The following ADGRL2 variants were observed in gnomAD, a reference collection of about 807,000 sequenced individuals.
ADGRL2 encodes the protein adhesion G protein-coupled receptor L2, also known as calcium-independent alpha-latrotoxin receptor 2.
Under a neutral mutation model 157.4 loss-of-function variants are expected in ADGRL2, and 44 were observed. The ratio of observed to expected loss-of-function variants is 0.28; its 90% CI spans 0.22 to 0.36. The LOEUF (loss-of-function observed/expected upper bound fraction) is 0.36, where lower values mean the gene tolerates loss of function less well. Among genes scored for constraint, ADGRL2 ranks in the 10% least tolerant of loss-of-function variants. The pLI is 1.00. For missense variants in ADGRL2, 1,510 were observed against 1,768.9 expected (o/e 0.85, Z 2.63); for synonymous variants, 585 against 624.7 (o/e 0.94, Z 0.95).
At chr1:81,629,529 A>G (rs2081970711) in intron 3 of ADGRL2, among the ~76,000 whole-genome samples, 1 of 152,174 alleles carries the variant, frequency 6.6e-6, no homozygotes, top group African/African-American at 2.4e-5. Flanking sequence ...ATGTATCAGC[A>G]TGCATAACAC....
chr1:81,689,709 C>G (rs1314771576), intron 3 of ADGRL2, among the ~76,000 whole-genome samples: 1 of 152,176 alleles, frequency 6.6e-6, no homozygotes, highest in Admixed American at 6.5e-5. Flanking sequence ...AGCGATGGAA[C>G]TTTAGAATTG....
At chr1:81,896,161 G>A (rs1055073204) in intron 2 of ADGRL2, among the ~76,000 whole-genome samples, 4 of 152,120 alleles carry the variant, frequency 2.6e-5, no homozygotes, top group African/African-American at 9.7e-5. Flanking sequence ...TACTTATTCT[G>A]TAATTGTTTG....
At chr1:81,697,863 C>G (rs2083476920), upstream of ADGRL2, among the ~76,000 whole-genome samples, 1 of 152,124 alleles carries the variant, frequency 6.6e-6, no homozygotes, top group African/African-American at 2.4e-5. Context: ...CCTGCCTCCA[C>G]AGAATTCTAA....
intron 3 of ADGRL2, among the ~76,000 whole-genome samples, chr1:81,687,914 C>T (rs2083261522): frequency 6.6e-6 from 1 of 152,078 alleles, no homozygotes; most frequent in Non-Finnish European, 1.5e-5. Context: ...AACTATATTT[C>T]CTTCTTATAT....
chr1:81,637,090 C>A (rs1039943759), intron 3 of ADGRL2, among the ~76,000 whole-genome samples: 1 of 152,096 alleles, frequency 6.6e-6, no homozygotes, highest in Non-Finnish European at 1.5e-5. Flanking sequence ...GTGATCCACC[C>A]GCCTCAGCCT....
At chr1:81,506,268 A>G (rs2078973966) in intron 2 of ADGRL2, 1 of 152,302 alleles carries the variant, frequency 6.6e-6, no homozygotes, top group Non-Finnish European at 1.5e-5. Flanking sequence ...TTCATTTAAA[A>G]TTCCATGAGG....
chr1:81,389,494 A>G (rs1295566666), intron 1 of ADGRL2, among the ~76,000 whole-genome samples: 2 of 152,220 alleles, frequency 1.3e-5, no homozygotes, highest in Non-Finnish European at 2.9e-5. Flanking sequence ...TAACAATAGC[A>G]TAGAAAGAAA....
intron 3 of ADGRL2, among the ~76,000 whole-genome samples, chr1:81,643,243 G>A (rs775149506): frequency 3.0e-4 from 45 of 152,278 alleles, no homozygotes; most frequent in Admixed American, 1.5e-3. Flanking sequence ...GCAGGGTTGT[G>A]GGATACAAGG....
Position 81,943,783 on chromosome 1 carries a change from C to T in ADGRL2, c.1210+14C>T, listed in dbSNP as rs1162175257. On this transcript the variant is annotated intron_variant, in intron 6 of 23. Coordinates refer to ENST00000686636, the MANE Select transcript of ADGRL2 (RefSeq NM_001366006.2). The surrounding 1 kb of genome is among the most constrained non-coding windows in gnomAD (Gnocchi z 5.6). ...ATCCTGCCCAAGGTAAGCGTGTTTA[C>T]TTGCTAATGCTTATGTCATTTTGTG... 2 of 1,573,270 alleles carry T rather than the reference C, an allele frequency of 1.3e-6. No homozygotes were observed. Among genetic ancestry groups the T allele is most frequent in the East Asian group, 2.3e-5 (1 of 44,388 alleles).
Position 81,499,920 on chromosome 1 carries a change from T to C in ADGRL2, c.-248+54831T>C, listed in dbSNP as rs528201793. 1.3e-3 allele frequency among the ~76,000 whole-genome samples: 199 copies of C among 151,778 alleles called. 1 individual carries two copies. Among genetic ancestry groups the C allele is most frequent in the Non-Finnish European group, 2.4e-3 (161 of 67,984 alleles). On this transcript the variant is annotated intron_variant, in intron 2 of 24. Coordinates refer to the ADGRL2 transcript ENST00000370721. Reference sequence around the variant, plus strand: ...CATATGTGTATACACATAATCTCCATTTATAAATATATATAATATAACTAT... The same window carrying C: ...CATATGTGTATACACATAATCTCCACTTATAAATATATATAATATAACTAT...
At chr1:81,920,663 C>T (rs1335856581) in intron 3 of ADGRL2, among the ~76,000 whole-genome samples, 2 of 152,080 alleles carry the variant, frequency 1.3e-5, no homozygotes, top group South Asian at 2.1e-4. Context: ...GCTTTTGTTG[C>T]GACTGCACTG....
intron 2 of ADGRL2, among the ~76,000 whole-genome samples, chr1:81,524,337 G>A (rs189605085): frequency 2.8e-4 from 42 of 152,314 alleles, no homozygotes; most frequent in African/African-American, 6.0e-4. Flanking sequence ...CTGCACTCTA[G>A]CCTGGGCAAC....
At chr1:81,474,204 A>G (rs2078227692) in intron 2 of ADGRL2, among the ~76,000 whole-genome samples, 1 of 152,242 alleles carries the variant, frequency 6.6e-6, no homozygotes, top group Non-Finnish European at 1.5e-5. Context: ...TTAATACATG[A>G]AAAATACTAG....
chr1:81,935,661 A>G (rs2095300518), intron 3 of ADGRL2, among the ~76,000 whole-genome samples: 1 of 151,982 alleles, frequency 6.6e-6, no homozygotes, highest in Non-Finnish European at 1.5e-5. Flanking sequence ...TAAATGTTAT[A>G]ATGTTCTTGT....
At position 81,545,256 on chromosome 1, in the gene ADGRL2, C is replaced by T. The variant is rs61439393; in HGVS notation, c.-247-35620C>T. Among the ~76,000 whole-genome samples the T allele has an allele frequency of 7.1e-3, 1,076 of 151,716 alleles. 17 individuals carry two copies. The highest frequency in any genetic ancestry group is 0.024 in the African/African-American group (991 of 41,342). The stretch of plus-strand genomic sequence containing the variant: ...TAGTGGGATTCAAACTTATAGCTGC[C>T]CAGAAGAATAAAAACAGTAAGACTG... On this transcript the variant is annotated intron_variant, in intron 2 of 24. Transcript: ENST00000370721.
intron 11 of ADGRL2, among the ~76,000 whole-genome samples, chr1:81,965,124 C>A (rs1656662879): frequency 1.3e-5 from 2 of 152,000 alleles, no homozygotes; most frequent in South Asian, 2.1e-4. Context: ...ACGTGTTTTC[C>A]TTAAGTGTTT....
chr1:81,466,161 A>G (rs2078047913), intron 2 of ADGRL2, among the ~76,000 whole-genome samples: 2 of 152,228 alleles, frequency 1.3e-5, no homozygotes, highest in African/African-American at 2.4e-5. Flanking sequence ...AAAATATTAC[A>G]TGGCCTAAGC....
At chr1:81,388,477 G>C (rs1226174962) in intron 1 of ADGRL2, among the ~76,000 whole-genome samples, 1 of 152,094 alleles carries the variant, frequency 6.6e-6, no homozygotes, top group Non-Finnish European at 1.5e-5. Context: ...TCTTCAATGT[G>C]CCAGATTACT....
At chr1:81,400,585 T>C (rs116540896) in intron 1 of ADGRL2, among the ~76,000 whole-genome samples, 1 of 152,058 alleles carries the variant, frequency 6.6e-6, no homozygotes, top group Non-Finnish European at 1.5e-5. Context: ...TAAGTCTCAG[T>C]GGCAGTGTGG....
Sources: gnomAD v4.1 joint callset for allele counts (sites outside exome capture counted in the v4.1 genomes callset) on GRCh38, gnomAD v4.1.1 for gene constraint, Gnocchi (gnomAD v3.1) non-coding constraint, MANE v1.5 for transcripts, NCBI Gene and HGNC (gene_info 2026-07-23, HGNC 2026-07-21) for gene names.